The following SATB1 variants were observed in gnomAD, a reference collection of about 807,000 sequenced individuals.
SATB1 encodes the protein DNA-binding protein SATB1.
Under a neutral mutation model 86.9 loss-of-function variants are expected in SATB1, and 11 were observed. The observed-to-expected ratio is 0.13, with a 90% CI of 0.08 to 0.21. The LOEUF (loss-of-function observed/expected upper bound fraction) is 0.21, where lower values mean the gene tolerates loss of function less well. Among genes scored for constraint, SATB1 ranks in the 10% least tolerant of loss-of-function variants. The probability of loss-of-function intolerance (pLI) is 1.00; values close to 1 mark genes in which losing one functional copy is unlikely to be tolerated. For missense variants in SATB1, 551 were observed against 937.6 expected (o/e 0.59, Z 5.39); for synonymous variants, 357 against 357.2 (o/e 1.00, Z 0.01).
chr3:18,369,711 T>TG (rs992061278), intron 9 of SATB1, among the ~76,000 whole-genome samples: 32 of 94,816 alleles, frequency 3.4e-4, no homozygotes, highest in African/African-American at 8.8e-4. Flanking sequence ...CTGTAAGGGA[T>TG]GGGGGGGTGG....
chr3:18,359,576 G>T (rs1694809991), intron 9 of SATB1, among the ~76,000 whole-genome samples: 1 of 151,692 alleles, frequency 6.6e-6, no homozygotes, highest in Non-Finnish European at 1.5e-5. Context: ...TGCTTTTAGG[G>T]TAGTTTAGTC....
At chr3:18,371,266 G>GA (rs1163841778) in intron 9 of SATB1, among the ~76,000 whole-genome samples, 1 of 152,012 alleles carries the variant, frequency 6.6e-6, no homozygotes, top group Admixed American at 6.6e-5. Context: ...AGACTTAGGG[G>GA]AAAAAACATC....
chr3:18,409,967 G>C (rs1047073269), intron 5 of SATB1, among the ~76,000 whole-genome samples: 2 of 151,960 alleles, frequency 1.3e-5, no homozygotes, highest in African/African-American at 2.4e-5. Context: ...TCAAAACAAA[G>C]GGCTATTAGC....
At chr3:18,380,080 G>C (rs1695968195) in intron 8 of SATB1, among the ~76,000 whole-genome samples, 1 of 152,166 alleles carries the variant, frequency 6.6e-6, no homozygotes, top group Non-Finnish European at 1.5e-5. Context: ...ACTTTGCTCT[G>C]GGGTGGTCTT....
chr3:18,386,753 C>A lies in SATB1; in HGVS notation c.1207-142G>T. ...CTGCATAGGAATATATTAGTTACAA[C>A]TGAAGTGGTAGAGAAGAGAGCCTCA... On this transcript the variant is annotated intron_variant, in intron 7 of 10. Coordinates refer to ENST00000338745, the MANE Select transcript of SATB1 (RefSeq NM_002971.6). The surrounding 1 kb of genome is among the most constrained non-coding windows in gnomAD (Gnocchi z 4.5). 1.6e-6 allele frequency: 1 copy of A among 638,140 alleles called. No homozygotes were observed. The allele number at this position is 638,140 out of a possible 1,614,324, so 39.5% of individuals were successfully genotyped here. A position where few individuals can be genotyped will look rare whatever the true frequency, so the allele number is the denominator to read the frequency against.
At chr3:18,439,480 A>G (rs899495126), upstream of SATB1, among the ~76,000 whole-genome samples, 1 of 152,266 alleles carries the variant, frequency 6.6e-6, no homozygotes, top group African/African-American at 2.4e-5. Flanking sequence ...CATAAGTTCA[A>G]AAGTATGAAA....
chr3:18,402,673 T>C (rs1190536416), intron 5 of SATB1, among the ~76,000 whole-genome samples: 1 of 152,096 alleles, frequency 6.6e-6, no homozygotes, highest in Non-Finnish European at 1.5e-5. Context: ...ATGATCTACA[T>C]GCTTGCGTTT....
intron 9 of SATB1, among the ~76,000 whole-genome samples, chr3:18,367,818 A>T (rs904326198): frequency 2.6e-5 from 4 of 152,138 alleles, no homozygotes; most frequent in Non-Finnish European, 5.9e-5. Flanking sequence ...AACATGAAAA[A>T]CTGGGGGATA....
At chr3:18,351,463 TG>T (rs1417592107) in intron 10 of SATB1, 1 of 1,347,342 alleles carries the variant, frequency 7.4e-7, no homozygotes, top group Non-Finnish European at 1.0e-6. Context: ...CTGTAAAGTG[TG>T]GGGAGACAGC....
At chr3:18,366,426 GA>G (rs1695189964) in intron 9 of SATB1, among the ~76,000 whole-genome samples, 1 of 149,008 alleles carries the variant, frequency 6.7e-6, no homozygotes, top group Admixed American at 6.7e-5. Context: ...TAATGTGCCA[GA>G]AAAAAACTTC....
intron 1 of SATB1, chr3:18,445,050 C>CA: frequency 7.3e-6 from 2 of 274,782 alleles, no homozygotes; most frequent in African/African-American, 2.3e-5. Flanking sequence ...CGGGAGCCCG[C>CA]AGCCACCCGG....
At chr3:18,379,722 C>T (rs1390808275) in intron 8 of SATB1, among the ~76,000 whole-genome samples, 1 of 152,182 alleles carries the variant, frequency 6.6e-6, no homozygotes, top group Non-Finnish European at 1.5e-5. Context: ...TCACCTCTTG[C>T]TTATCTTGAG....
chr3:18,429,080 T>C (rs760891788), upstream of SATB1, among the ~76,000 whole-genome samples: 17 of 152,250 alleles, frequency 1.1e-4, no homozygotes, highest in Admixed American at 2.6e-4. The surrounding 1 kb of genome is among the most constrained non-coding windows in gnomAD (Gnocchi z 4.1). Flanking sequence ...TTATGTAGCA[T>C]ATTGCTCTTT....
chr3:18,383,903 CA>C (rs1359348203), intron 8 of SATB1, among the ~76,000 whole-genome samples: 1 of 151,992 alleles, frequency 6.6e-6, no homozygotes, highest in African/African-American at 2.4e-5. Context: ...TAGTGATCTC[CA>C]TTATAATAAT....
chr3:18,369,241 G>T (rs1051844017), intron 9 of SATB1, among the ~76,000 whole-genome samples: 3 of 150,636 alleles, frequency 2.0e-5, no homozygotes, highest in African/African-American at 7.3e-5. Context: ...CAGAATTTAG[G>T]TTCAAATAAA....
intron 7 of SATB1, among the ~76,000 whole-genome samples, chr3:18,388,286 T>A (rs1018684892): frequency 9.9e-5 from 15 of 152,116 alleles, no homozygotes; most frequent in African/African-American, 3.4e-4. Flanking sequence ...TTTGACTGTG[T>A]TTCTGATGTG....
At chr3:18,425,564 G>A (rs1698657064), upstream of SATB1, among the ~76,000 whole-genome samples, 1 of 151,394 alleles carries the variant, frequency 6.6e-6, no homozygotes, top group Admixed American at 6.6e-5. Flanking sequence ...AGGGAATGGG[G>A]GGAGCGCACG....
In SATB1 at chr3:18,445,485, G is replaced by A. The variant is rs981476039; in HGVS notation, c.-25+33C>T. ...GGGGTGCGCTTGGGGTGCGCGGCGC[G>A]GTTCTCGTCGCCCGCCAACCCTGCC... On this transcript the variant is annotated intron_variant, in intron 1 of 3. Coordinates refer to the SATB1 transcript ENST00000415069. 23 of 985,220 alleles carry A rather than the reference G, an allele frequency of 2.3e-5. No homozygotes were observed. In the African/African-American group the frequency reaches 3.8e-4, roughly 16 times the overall value. 61.0% of individuals were successfully genotyped at this position (985,220 alleles called of 1,614,324 possible).
chr3:18,355,208 AT>A lies in SATB1; in HGVS notation c.1576-3014del, dbSNP rs570727090. Among the ~76,000 whole-genome samples, 398 of 152,208 alleles carry A rather than the reference AT, an allele frequency of 2.6e-3. 4 individuals carry two copies. Among genetic ancestry groups the A allele is most frequent in the African/African-American group, 9.1e-3 (380 of 41,566 alleles). On this transcript the variant is annotated intron_variant, in intron 9 of 10. Coordinates refer to ENST00000338745, the MANE Select transcript of SATB1 (RefSeq NM_002971.6). ...CTTGATGCGCATTGCTCTTAAAAAA[AT>A]AATGGAAAACAGACATTTTGACACA...
Sources: gnomAD v4.1 joint callset for allele counts (sites outside exome capture counted in the v4.1 genomes callset) on GRCh38, gnomAD v4.1.1 for gene constraint, Gnocchi (gnomAD v3.1) non-coding constraint, MANE v1.5 for transcripts, NCBI Gene and HGNC (gene_info 2026-07-23, HGNC 2026-07-21) for gene names.